Variants in ANKRD13C observed in about 807,000 individuals in gnomAD.
The protein encoded by ANKRD13C is ankyrin repeat domain 13C.
In ANKRD13C, 16 loss-of-function variants were observed where a neutral mutation model predicts 65.5. The observed-to-expected ratio is 0.24, with a 90% CI of 0.17 to 0.37. ANKRD13C has a LOEUF of 0.37. Ranked by LOEUF, ANKRD13C falls within the 10% of genes least tolerant of loss-of-function variation. The probability of loss-of-function intolerance (pLI) is 1.00; values close to 1 mark genes in which losing one functional copy is unlikely to be tolerated. For synonymous variants in ANKRD13C, 235 were observed against 238.7 expected, an observed-to-expected ratio of 0.98 and a Z score of 0.14; for missense variants, 503 against 655.9, an observed-to-expected ratio of 0.77 and a Z score of 2.55.
At chr1:70,340,139 G>A (rs10889867) in intron 1 of ANKRD13C, among the ~76,000 whole-genome samples, 4,483 of 151,978 alleles carry the variant, frequency 0.029, 82 homozygotes, top group Middle Eastern at 0.048. Flanking sequence ...CATGAGTCAC[G>A]GTGCCTGGTC....
chr1:70,326,837 C>G (rs985509885), intron 2 of ANKRD13C, among the ~76,000 whole-genome samples: 3 of 148,408 alleles, frequency 2.0e-5, no homozygotes, highest in Non-Finnish European at 4.5e-5. Flanking sequence ...AATTTAGCAT[C>G]AAAAAGAATA....
In ANKRD13C at chr1:70,274,751, TG is replaced by T; in HGVS notation, c.1362del (p.Met455Ter). 1 of 1,613,814 alleles carries T rather than the reference TG, an allele frequency of 6.2e-7. No individual in the cohort carries two copies. On this transcript the variant is annotated frameshift_variant, in exon 11 of 13. Coordinates refer to ENST00000370944, the MANE Select transcript of ANKRD13C (RefSeq NM_030816.5). LOFTEE classifies it high-confidence loss of function. Reference protein sequence around the residue: ...ESKKTFKATIAMSQEFPLGIE... With the variant: ...ESKKTFKATIXMSQEFPLGIE... Reference sequence around the variant, plus strand: ...ATCCCTAAGGGAAATTCCTGGCTCATGGCTATCGTAGCTTTAAACGTTTTCT... The same window carrying T: ...ATCCCTAAGGGAAATTCCTGGCTCATGCTATCGTAGCTTTAAACGTTTTCT...
At chr1:70,338,722 G>A (rs1170451280) in intron 1 of ANKRD13C, among the ~76,000 whole-genome samples, 1 of 152,026 alleles carries the variant, frequency 6.6e-6, no homozygotes, top group East Asian at 1.9e-4. Context: ...TTTAAACACA[G>A]TTATACACTG....
Position 70,285,060 on chromosome 1 carries a change from T to C in ANKRD13C, c.1215+7328A>G, listed in dbSNP as rs1050434392. The stretch of plus-strand genomic sequence containing the variant: ...CTGTCATTAATTAAATACATCTGAG[T>C]TACTAACCTACAATTCACTGTGACT... On this transcript the variant is annotated intron_variant, in intron 9 of 12. Coordinates refer to ENST00000370944, the MANE Select transcript of ANKRD13C (RefSeq NM_030816.5). Among the ~76,000 whole-genome samples, 4 of 152,236 alleles carry C rather than the reference T, an allele frequency of 2.6e-5. 1 individual carries two copies. Among genetic ancestry groups the C allele is most frequent in the African/African-American group, 2.4e-5 (1 of 41,558 alleles).
At chr1:70,289,895 C>T (rs899523246) in intron 9 of ANKRD13C, among the ~76,000 whole-genome samples, 1 of 152,138 alleles carries the variant, frequency 6.6e-6, no homozygotes, top group Admixed American at 6.5e-5. Flanking sequence ...GGCCTTTTGT[C>T]TGGCCAACAA....
At chr1:70,326,124 G>C (rs147022527) in intron 2 of ANKRD13C, among the ~76,000 whole-genome samples, 2 of 149,212 alleles carry the variant, frequency 1.3e-5, no homozygotes, top group Non-Finnish European at 3.0e-5. Flanking sequence ...CCAGCTACTC[G>C]GGAAACTGAG....
chr1:70,354,023 G>A lies in ANKRD13C; in HGVS notation c.386C>T (p.Ser129Phe). The change falls in exon 1 of 13, where the codon TCC becomes TTC. Residue 129 changes from serine (S) to phenylalanine (F), a missense_variant. Ser to Phe is a radical substitution (Grantham distance 155). This residue lies in a region of ANKRD13C where 203 missense variants were observed against 177.6 expected (regional missense o/e 1.14). Coordinates refer to ENST00000370944, the MANE Select transcript of ANKRD13C (RefSeq NM_030816.5). ...GATATTGTGCGTGCGGATGAGAGAG[G>A]AGAGTCTCCTCACATCCCCCTTGAA... The part of the protein sequence containing the change: ...CVFKGDVRRL[S>F]SLIRTHNIGQ... The A allele has an allele frequency of 6.4e-7, 1 of 1,562,890 alleles. No homozygotes were observed. The highest frequency in any genetic ancestry group is 8.7e-7 in the Non-Finnish European group (1 of 1,154,084).
At chr1:70,339,836 A>C (rs1572170755) in intron 1 of ANKRD13C, among the ~76,000 whole-genome samples, 1 of 112,364 alleles carries the variant, frequency 8.9e-6, no homozygotes, top group African/African-American at 3.3e-5. Flanking sequence ...TATTATTATT[A>C]TTATTATTAT....
intron 12 of ANKRD13C, 88 bp downstream of exon 12, chr1:70,270,767 CT>C: frequency 1.1e-6 from 1 of 895,326 alleles, no homozygotes; most frequent in Non-Finnish European, 1.7e-6. Flanking sequence ...TTGGGGACCC[CT>C]GCTTTAAAAG....
At chr1:70,293,179 CAA>C (rs1404243577) in intron 8 of ANKRD13C, among the ~76,000 whole-genome samples, 1 of 151,712 alleles carries the variant, frequency 6.6e-6, no homozygotes, top group Non-Finnish European at 1.5e-5. Context: ...TAAAGGACAT[CAA>C]AAAAAGTCAT....
At chr1:70,321,093 C>T (rs1439232069) in intron 3 of ANKRD13C, among the ~76,000 whole-genome samples, 2 of 152,146 alleles carry the variant, frequency 1.3e-5, no homozygotes, top group Non-Finnish European at 2.9e-5. Context: ...TCTTGATACA[C>T]AGTCTCGAAT....
chr1:70,315,391 G>A, intron 4 of ANKRD13C, 90 bp downstream of exon 4: 1 of 1,111,132 alleles, frequency 9.0e-7, no homozygotes, highest in Non-Finnish European at 1.3e-6. Flanking sequence ...CCTAATAAGT[G>A]AGAATTTAAG....
At chr1:70,326,438 A>G (rs1681549735) in intron 2 of ANKRD13C, among the ~76,000 whole-genome samples, 1 of 152,146 alleles carries the variant, frequency 6.6e-6, no homozygotes, top group Admixed American at 6.5e-5. Context: ...ATAATGCAAG[A>G]TAATGATAAG....
At chr1:70,330,860 T>C (rs1314391935) in intron 2 of ANKRD13C, among the ~76,000 whole-genome samples, 2 of 152,192 alleles carry the variant, frequency 1.3e-5, no homozygotes, top group East Asian at 1.9e-4. Context: ...TTAGTTTTTC[T>C]ATATCATCTC....
rs1678339670 is a variant in ANKRD13C, at chr1:70,260,156, A to T, written c.*2561T>A. Among the ~76,000 whole-genome samples, 1 of 152,192 alleles carries T rather than the reference A, an allele frequency of 6.6e-6. No homozygotes were observed. Among genetic ancestry groups the T allele is most frequent in the Non-Finnish European group, 1.5e-5 (1 of 68,010 alleles). ...TCTACTAACATGTATCAGCAGACAG[A>T]TGTGACAGTTTCCAAACCATCATCT... On this transcript the variant is annotated 3_prime_UTR_variant, in exon 13 of 13. Transcript: ENST00000370944.
At chr1:70,299,877 G>A (rs904818403) in intron 7 of ANKRD13C, among the ~76,000 whole-genome samples, 17 of 152,168 alleles carry the variant, frequency 1.1e-4, no homozygotes, top group South Asian at 2.1e-4. Flanking sequence ...CAACCTATAG[G>A]ACTGTGGGAA....
At chr1:70,302,705 G>A (rs1195648076) in intron 6 of ANKRD13C, among the ~76,000 whole-genome samples, 6 of 77,284 alleles carry the variant, frequency 7.8e-5, no homozygotes, top group Non-Finnish European at 1.3e-4. Flanking sequence ...CAGCCTGGGC[G>A]ACAGAGCGAG....
intron 1 of ANKRD13C, among the ~76,000 whole-genome samples, chr1:70,336,912 C>T (rs914909484): frequency 6.6e-6 from 1 of 152,000 alleles, no homozygotes; most frequent in African/African-American, 2.4e-5. Context: ...CAAAATGATA[C>T]CCTAAGCCAT....
intron 10 of ANKRD13C, among the ~76,000 whole-genome samples, chr1:70,275,020 A>C (rs1468911646): frequency 6.6e-6 from 1 of 152,222 alleles, no homozygotes; most frequent in East Asian, 1.9e-4. Flanking sequence ...GCAAAGAGTA[A>C]AAGTTCAGAA....
Sources: gnomAD v4.1 joint callset for allele counts (sites outside exome capture counted in the v4.1 genomes callset) on GRCh38, gnomAD v4.1.1 for gene constraint, gnomAD v4.1.1 regional missense constraint, MANE v1.5 for transcripts, NCBI Gene and HGNC (gene_info 2026-07-23, HGNC 2026-07-21) for gene names.